Variants in SULF2 observed in about 807,000 individuals in gnomAD.
The protein encoded by SULF2 is sulfatase 2, also known as extracellular sulfatase Sulf-2.
A neutral mutation model predicts 107.7 loss-of-function variants in SULF2; 52 were observed. The observed-to-expected ratio is 0.48, with a 90% CI of 0.39 to 0.61. The LOEUF is 0.61. Among genes scored for constraint, SULF2 ranks in the 20% least tolerant of loss-of-function variants. SULF2 has a pLI of 0.00. For missense variants in SULF2, 993 were observed against 1,177.3 expected (o/e 0.84, Z 2.29); for synonymous variants, 460 against 464.3 (o/e 0.99, Z 0.12).
At chr20:47,662,613 T>C (rs2087113512) in intron 17 of SULF2, among the ~76,000 whole-genome samples, 1 of 152,150 alleles carries the variant, frequency 6.6e-6, no homozygotes, top group South Asian at 2.1e-4. Flanking sequence ...TCTTGTGTGG[T>C]CCTGGGCCAC....
chr20:47,740,118 T>C (rs1231361460), intron 2 of SULF2, among the ~76,000 whole-genome samples: 1 of 152,220 alleles, frequency 6.6e-6, no homozygotes, highest in Non-Finnish European at 1.5e-5. Flanking sequence ...TTATAATTAA[T>C]AGTGGCGACT....
chr20:47,702,678 G>A lies in SULF2; in HGVS notation c.416-8C>T. ...GATACTTCCCGAAGAAAGCTGCGGA[G>A]GGAGATGGATCAGGAGGCCACGTGA... On this transcript the variant is annotated splice_polypyrimidine_tract_variant and splice_region_variant and intron_variant, in intron 3 of 20. Coordinates refer to ENST00000688720, the MANE Select transcript of SULF2 (RefSeq NM_001387048.1). 1.2e-6 allele frequency: 2 copies of A among 1,613,504 alleles called. No homozygotes were observed. Among genetic ancestry groups the A allele is most frequent in the Non-Finnish European group, 1.7e-6 (2 of 1,179,892 alleles).
At chr20:47,659,182 C>G (rs1235163990) in intron 20 of SULF2, among the ~76,000 whole-genome samples, 2 of 152,124 alleles carry the variant, frequency 1.3e-5, no homozygotes, top group Non-Finnish European at 2.9e-5. Flanking sequence ...CAGATTATAG[C>G]GAGAACAGCA....
intron 11 of SULF2, among the ~76,000 whole-genome samples, chr20:47,670,335 G>A (rs1261697672): frequency 6.6e-6 from 1 of 151,962 alleles, no homozygotes; most frequent in African/African-American, 2.4e-5. Context: ...AGGGACTACA[G>A]GCGCCCACCA....
Position 47,661,813 on chromosome 20 carries a change from A to G in SULF2, c.2454T>C (p.Gly818=), listed in dbSNP as rs1173087787. 4 of 1,584,872 alleles carry G rather than the reference A, an allele frequency of 2.5e-6. No homozygotes were observed. The highest frequency in any genetic ancestry group is 1.7e-4 in the Middle Eastern group (1 of 5,850). The stretch of plus-strand genomic sequence containing the variant: ...GAGTCCGGGGGTTACACTGCTTGTA[A>G]CCCTTGCAGCTCCTCAGCTCCATGA... ...VQLMELRSCK[G]YKQCNPRTRN... The change falls in exon 18 of 21, where the codon GGT becomes GGC. Residue 818 remains glycine (G), a synonymous_variant. Coordinates refer to ENST00000688720, the MANE Select transcript of SULF2 (RefSeq NM_001387048.1).
At chr20:47,768,882 G>GTTT (rs11473246) in intron 1 of SULF2, among the ~76,000 whole-genome samples, 16,045 of 127,186 alleles carry the variant, frequency 0.13, 1,633 homozygotes, top group East Asian at 0.51. Flanking sequence ...TTGTGTGCGT[G>GTTT]TTTTTTTTTT....
At chr20:47,781,179 T>C (rs767782091) in intron 1 of SULF2, among the ~76,000 whole-genome samples, 5 of 152,272 alleles carry the variant, frequency 3.3e-5, no homozygotes, top group Non-Finnish European at 7.3e-5. Flanking sequence ...TGATGCCTCC[T>C]GGCCCTGGTG....
At position 47,672,550 on chromosome 20, in the gene SULF2, C is replaced by T. The variant is rs574439811; in HGVS notation, c.1381-157G>A. The T allele has an allele frequency of 3.0e-5, 30 of 985,194 alleles. No homozygotes were observed. In the East Asian group the frequency reaches 8.0e-4, roughly 26 times the overall value. 61.0% of individuals were successfully genotyped at this position (985,194 alleles called of 1,614,324 possible). Reference sequence around the variant, plus strand: ...TGCTATCTCCAATGCCGCTTCTCTCCACTGCCACTGCTTGAACCTTGGGCA... The same window carrying T: ...TGCTATCTCCAATGCCGCTTCTCTCTACTGCCACTGCTTGAACCTTGGGCA... On this transcript the variant is annotated intron_variant, in intron 10 of 20. Transcript: ENST00000688720.
chr20:47,663,079 G>A lies in SULF2; in HGVS notation c.2361C>T (p.Asp787=), dbSNP rs570378169. The A allele has an allele frequency of 2.2e-5, 35 of 1,614,164 alleles. No individual in the cohort carries two copies. Among genetic ancestry groups the A allele is most frequent in the South Asian group, 1.4e-4 (13 of 91,082 alleles). The part of the protein sequence containing the change: ...GFLEYFDLNT[D]PYQLMNAVNT... ...CTCGGGTTGCCTGTACCTGGTAGGG[G>A]TCTGTGTTGAGATCAAAGTACTCTA... Residue 787 remains aspartate, a synonymous_variant, in exon 17 of 21, where the codon GAC becomes GAT. Transcript: ENST00000688720.
chr20:47,757,001 T>C (rs1203615981), intron 2 of SULF2, among the ~76,000 whole-genome samples, 188 bp downstream of exon 2: 1 of 152,066 alleles, frequency 6.6e-6, no homozygotes, highest in African/African-American at 2.4e-5. Flanking sequence ...TGGAGAAGGG[T>C]AGAGACCCCT....
At chr20:47,692,979 A>G (rs1285492577) in intron 4 of SULF2, among the ~76,000 whole-genome samples, 1 of 152,188 alleles carries the variant, frequency 6.6e-6, no homozygotes, top group Non-Finnish European at 1.5e-5. Flanking sequence ...AAAAATCTGG[A>G]AGGATATCAA....
chr20:47,759,688 T>C (rs553609893), intron 1 of SULF2, among the ~76,000 whole-genome samples: 1 of 151,950 alleles, frequency 6.6e-6, no homozygotes, highest in African/African-American at 2.4e-5. Flanking sequence ...TGAGACTCCG[T>C]CTCAAAAACA....
chr20:47,661,761 G>T lies in SULF2; in HGVS notation c.2494+12C>A, dbSNP rs748530209. 4 of 1,523,092 alleles carry T rather than the reference G, an allele frequency of 2.6e-6. No homozygotes were observed. Among genetic ancestry groups the T allele is most frequent in the Admixed American group, 3.7e-5 (2 of 54,726 alleles). 94.3% of individuals were successfully genotyped at this position (1,523,092 alleles called of 1,614,324 possible). ...TGCTGTCCAAGGGCCCCACGTTGGG[G>T]TGCCTACTCACCCAGGTCCATGTTT... On this transcript the variant is annotated intron_variant, in intron 18 of 20. Transcript: ENST00000688720.
intron 2 of SULF2, among the ~76,000 whole-genome samples, chr20:47,750,163 G>C (rs1344255004): frequency 6.6e-6 from 1 of 152,132 alleles, no homozygotes; most frequent in African/African-American, 2.4e-5. Flanking sequence ...TGTATTTTTA[G>C]TAGAGATGGG....
chr20:47,668,622 T>C (rs1003051256), intron 11 of SULF2, among the ~76,000 whole-genome samples: 7 of 152,334 alleles, frequency 4.6e-5, no homozygotes, highest in Non-Finnish European at 8.8e-5. Flanking sequence ...CTCAGGATGG[T>C]GCCTACCCTA....
chr20:47,669,066 G>A (rs374666164), intron 11 of SULF2, among the ~76,000 whole-genome samples: 3 of 152,200 alleles, frequency 2.0e-5, no homozygotes, highest in Admixed American at 6.5e-5. Context: ...TCCTTCATGC[G>A]TTTTTCACCA....
At chr20:47,687,393 A>G (rs2088044648) in intron 5 of SULF2, among the ~76,000 whole-genome samples, 1 of 152,168 alleles carries the variant, frequency 6.6e-6, no homozygotes, top group African/African-American at 2.4e-5. Flanking sequence ...CATCCGAGGA[A>G]TATCTGGTGC....
At chr20:47,659,134 T>C (rs1336557646) in intron 20 of SULF2, among the ~76,000 whole-genome samples, 1 of 152,232 alleles carries the variant, frequency 6.6e-6, no homozygotes, top group Non-Finnish European at 1.5e-5. Flanking sequence ...ATTTAAATGC[T>C]TCTCAACCTC....
rs1245704035 is a variant in SULF2, at chr20:47,657,981, C to T, written c.*381G>A. The T allele has an allele frequency of 1.1e-5, 3 of 266,864 alleles. No individual in the cohort carries two copies. The highest frequency in any genetic ancestry group is 2.2e-5 in the Non-Finnish European group (3 of 139,152). 16.5% of individuals were successfully genotyped at this position (266,864 alleles called of 1,614,324 possible). On this transcript the variant is annotated 3_prime_UTR_variant, in exon 21 of 21. Coordinates refer to ENST00000688720, the MANE Select transcript of SULF2 (RefSeq NM_001387048.1). Reference sequence around the variant, plus strand: ...AGGATTTAGAACAGGACTGCTTTTCCCCTATGATTTAAAAATTCCAATGAC... The same window carrying T: ...AGGATTTAGAACAGGACTGCTTTTCTCCTATGATTTAAAAATTCCAATGAC...
Sources: allele counts gnomAD v4.1 joint callset (sites outside exome capture counted in the v4.1 genomes callset), GRCh38; gene constraint gnomAD v4.1.1; transcripts MANE v1.5; gene names NCBI Gene and HGNC (gene_info 2026-07-23, HGNC 2026-07-21).